RPL27: variants seen among roughly 807,000 people sequenced by gnomAD.
The protein encoded by RPL27 is large ribosomal subunit protein eL27.
For synonymous variants in RPL27, 77 were observed against 61.0 expected (o/e 1.26, Z -1.22); for missense variants, 131 against 174.3 (o/e 0.75, Z 1.40).
At chr17:43,000,726 G>T (rs1270353857) in intron 3 of RPL27, among the ~76,000 whole-genome samples, 6 of 149,960 alleles carry the variant, frequency 4.0e-5, no homozygotes, top group Non-Finnish European at 7.4e-5. Context: ...TTACAGGCGT[G>T]AGCCACCGTG....
At chr17:42,998,712 G>A (rs2050326117) in intron 1 of RPL27, 37 bp from the exon 2 acceptor site, 1 of 1,534,400 alleles carries the variant, frequency 6.5e-7, no homozygotes, top group African/African-American at 1.4e-5. Context: ...TTGGCTTTAC[G>A]GATTTTTAAG....
intron 3 of RPL27, among the ~76,000 whole-genome samples, chr17:43,000,484 T>TG (rs1162066805): frequency 4.5e-5 from 6 of 133,720 alleles, no homozygotes; most frequent in African/African-American, 1.7e-4. Context: ...TTGTTTTGTT[T>TG]TGTTTTTTTT....
rs532129177 is a variant in RPL27 at position 42,999,153 on chromosome 17, C to T, written c.81+322C>T. On this transcript the variant is annotated intron_variant, in intron 2 of 4. Coordinates refer to ENST00000253788, the MANE Select transcript of RPL27 (RefSeq NM_000988.5). The stretch of plus-strand genomic sequence containing the variant: ...TCCTTGAAGTAATCATAGGGGATTC[C>T]TTTTCTTTTCTTTTCTTTTTTTTTT... 28 of 202,372 alleles carry T rather than the reference C, an allele frequency of 1.4e-4. No homozygotes were observed. The South Asian group carries it at 2.0e-3, about 14-fold the overall frequency. The allele number at this position is 202,372 out of a possible 1,614,324, so 12.5% of individuals were successfully genotyped here. A position where few individuals can be genotyped will look rare whatever the true frequency, so the allele number is the denominator to read the frequency against.
chr17:42,999,928 T>C lies in RPL27; in HGVS notation c.82-5T>C, dbSNP rs1597770414. 6.2e-7 allele frequency: 1 copy of C among 1,610,410 alleles called. No homozygotes were observed. Among genetic ancestry groups the C allele is most frequent in the African/African-American group, 1.3e-5 (1 of 74,808 alleles). ...GAATAACAAATGTAATTCTTACTCA[T>C]TTAGAACATTGATGATGGCACCTCA... On this transcript the variant is annotated splice_polypyrimidine_tract_variant and splice_region_variant and intron_variant, in intron 2 of 4. Coordinates refer to ENST00000253788, the MANE Select transcript of RPL27 (RefSeq NM_000988.5).
intron 3 of RPL27, among the ~76,000 whole-genome samples, chr17:43,002,010 C>T (rs1050378207): frequency 2.0e-5 from 3 of 151,594 alleles, no homozygotes; most frequent in East Asian, 1.9e-4. Flanking sequence ...AGGAGAAGGG[C>T]GTGAACCTAG....
At chr17:42,998,493 A>T in intron 1 of RPL27, 22 bp downstream of exon 1, 1 of 369,722 alleles carries the variant, frequency 2.7e-6, no homozygotes, top group Non-Finnish European at 5.0e-6. Flanking sequence ...CTTGGGTTGA[A>T]TCTTTCAATC....
rs1439617239 is a variant in RPL27, at chr17:43,002,902, C to A, written c.393C>A (p.Phe131Leu). The change falls in exon 5 of 5, where the codon TTC becomes TTA. Residue 131 changes from phenylalanine to leucine, a missense_variant. By Grantham distance (22) the Phe-to-Leu change is conservative. Transcript: ENST00000253788. The part of the protein sequence containing the change: ...RYKTGKNKWF[F>L]QKLRF ...AGACAGGCAAGAACAAGTGGTTCTTCCAGAAACTGCGGTTTTAGATGCTTT... is the reference window on the plus strand; with the variant it reads ...AGACAGGCAAGAACAAGTGGTTCTTACAGAAACTGCGGTTTTAGATGCTTT... 1 of 1,613,588 alleles carries A rather than the reference C, an allele frequency of 6.2e-7. No homozygotes were observed. Among genetic ancestry groups the A allele is most frequent in the African/African-American group, 1.3e-5 (1 of 74,998 alleles).
At chr17:43,000,427 T>G (rs2050347277) in intron 3 of RPL27, among the ~76,000 whole-genome samples, 2 of 151,972 alleles carry the variant, frequency 1.3e-5, no homozygotes, top group Non-Finnish European at 2.9e-5. Context: ...TTTACTCACC[T>G]GTTGGGCCCT....
chr17:42,998,560 C>T, intron 1 of RPL27, 89 bp downstream of exon 1: 1 of 496,396 alleles, frequency 2.0e-6, no homozygotes, highest in Non-Finnish European at 3.6e-6. Context: ...TGCATTCCTT[C>T]CCTAGGTCTC....
At position 43,000,500 on chromosome 17, in the gene RPL27, C is replaced by T. The variant is rs553420676; in HGVS notation, c.251+398C>T. 2.0e-3 allele frequency among the ~76,000 whole-genome samples: 277 copies of T among 138,180 alleles called. 2 individuals carry two copies. The highest frequency in any genetic ancestry group is 3.5e-3 in the Admixed American group (45 of 12,820). 90.7% of individuals were successfully genotyped at this position (138,180 alleles called of 152,430 possible). On this transcript the variant is annotated intron_variant, in intron 3 of 4. Transcript: ENST00000253788. Reference sequence around the variant, plus strand: ...TGTTTTGTTTTGTTTTTTTTTGAGACGGAGTCGCCCAGGTTGGAGTGCAGT... The same window carrying T: ...TGTTTTGTTTTGTTTTTTTTTGAGATGGAGTCGCCCAGGTTGGAGTGCAGT...
At chr17:42,999,461 G>A (rs2050336144) in intron 2 of RPL27, 1 of 156,074 alleles carries the variant, frequency 6.4e-6, no homozygotes, top group Admixed American at 6.3e-5. Context: ...CCATGATTTT[G>A]TAGCTTCTTG....
intron 3 of RPL27, among the ~76,000 whole-genome samples, chr17:43,000,728 G>T (rs559621076): frequency 6.7e-6 from 1 of 149,828 alleles, no homozygotes; most frequent in Non-Finnish European, 1.5e-5. Flanking sequence ...ACAGGCGTGA[G>T]CCACCGTGCC....
At chr17:42,998,656 C>T (rs1205305133) in intron 1 of RPL27, 93 bp from the exon 2 acceptor site, 9 of 972,812 alleles carry the variant, frequency 9.3e-6, no homozygotes, top group Non-Finnish European at 1.3e-5. Flanking sequence ...TCTGAAGTTC[C>T]GGCCCAAGAC....
At chr17:43,000,975 G>A (rs767700982) in intron 3 of RPL27, among the ~76,000 whole-genome samples, 15 of 151,866 alleles carry the variant, frequency 9.9e-5, no homozygotes, top group Non-Finnish European at 1.9e-4. Context: ...CTTGAACCCG[G>A]GAGGTGGAGG....
At chr17:43,000,148 G>T (rs1297004409) in intron 3 of RPL27, 46 bp downstream of exon 3, 2 of 1,446,136 alleles carry the variant, frequency 1.4e-6, no homozygotes, top group South Asian at 2.3e-5. Flanking sequence ...TCCCTGCTCT[G>T]TTGAATAATG....
At chr17:42,999,114 ATT>A (rs2151964686) in intron 2 of RPL27, 1 of 400,860 alleles carries the variant, frequency 2.5e-6, no homozygotes, top group Admixed American at 4.3e-5. Flanking sequence ...CCTTTCAGGT[ATT>A]GTCATGTGCA....
chr17:42,998,887 C>A, intron 2 of RPL27, 56 bp downstream of exon 2: 1 of 1,466,786 alleles, frequency 6.8e-7, no homozygotes, highest in Non-Finnish European at 9.5e-7. Context: ...CTGGCTGCGG[C>A]GGGGCGGGCA....
At chr17:42,998,900 C>A in intron 2 of RPL27, 69 bp downstream of exon 2, 4 of 1,334,426 alleles carry the variant, frequency 3.0e-6, no homozygotes, top group South Asian at 1.2e-5. Flanking sequence ...GGCGGGCAGG[C>A]TTGGAATTCA....
chr17:43,000,365 A>G (rs1019984670), intron 3 of RPL27, among the ~76,000 whole-genome samples: 2 of 152,142 alleles, frequency 1.3e-5, no homozygotes, highest in Non-Finnish European at 2.9e-5. Flanking sequence ...GATAAATACA[A>G]TAGGTTTCAA....
Sources: gnomAD v4.1 joint callset for allele counts (sites outside exome capture counted in the v4.1 genomes callset) on GRCh38, gnomAD v4.1.1 for gene constraint, MANE v1.5 for transcripts, NCBI Gene and HGNC (gene_info 2026-07-23, HGNC 2026-07-21) for gene names.